CDKAL1: variants seen among roughly 807,000 people sequenced by gnomAD.
CDKAL1 encodes CDKAL1 threonylcarbamoyladenosine tRNA methylthiotransferase, also known as threonylcarbamoyladenosine tRNA methylthiotransferase.
CDKAL1 carries 32 observed loss-of-function variants against 68.2 expected under a neutral mutation model. The observed-to-expected ratio is 0.47, with a 90% CI of 0.35 to 0.63. The LOEUF (loss-of-function observed/expected upper bound fraction) is 0.63, where lower values mean the gene tolerates loss of function less well. CDKAL1 is among the 30% of genes least tolerant of loss of function. The probability of loss-of-function intolerance (pLI) is 0.00; values close to 1 mark genes in which losing one functional copy is unlikely to be tolerated. For synonymous variants in CDKAL1, 234 were observed against 244.3 expected (o/e 0.96, Z 0.39); for missense variants, 606 against 696.7 (o/e 0.87, Z 1.47).
chr6:20,854,948 A>C (rs1474872853), intron 9 of CDKAL1, among the ~76,000 whole-genome samples: 1 of 152,234 alleles, frequency 6.6e-6, no homozygotes, highest in African/African-American at 2.4e-5. Flanking sequence ...TGTGGTTTTT[A>C]AAATCAAGCA....
intron 12 of CDKAL1, among the ~76,000 whole-genome samples, chr6:21,094,186 G>T (rs1372027246): frequency 6.6e-6 from 1 of 152,152 alleles, no homozygotes; most frequent in East Asian, 1.9e-4. Context: ...GTGGGCAGGG[G>T]AGGGAATGCA....
chr6:20,624,904 C>G (rs1258118067), intron 4 of CDKAL1, among the ~76,000 whole-genome samples: 1 of 152,068 alleles, frequency 6.6e-6, no homozygotes, highest in Non-Finnish European at 1.5e-5. Flanking sequence ...AATAATGCAG[C>G]AAAATTCTGT....
chr6:20,893,280 G>GC (rs1175025340), intron 9 of CDKAL1, among the ~76,000 whole-genome samples: 2 of 152,154 alleles, frequency 1.3e-5, no homozygotes, highest in African/African-American at 2.4e-5. Context: ...GCAGGTTACA[G>GC]CCTAGTGCCA....
At chr6:21,145,650 T>C (rs1776128993) in intron 13 of CDKAL1, among the ~76,000 whole-genome samples, 1 of 152,230 alleles carries the variant, frequency 6.6e-6, no homozygotes, top group South Asian at 2.1e-4. Flanking sequence ...CAGATCACTT[T>C]AACCACTTCA....
At chr6:21,228,103 G>A (rs1300068968) in intron 15 of CDKAL1, among the ~76,000 whole-genome samples, 1 of 152,168 alleles carries the variant, frequency 6.6e-6, no homozygotes, top group African/African-American at 2.4e-5. Context: ...TCTGAACTGG[G>A]GATAGGGAAA....
chr6:20,845,518 T>C (rs1778345111), intron 8 of CDKAL1, among the ~76,000 whole-genome samples: 1 of 152,086 alleles, frequency 6.6e-6, no homozygotes, highest in Non-Finnish European at 1.5e-5. Flanking sequence ...AATTATTCAT[T>C]GAACATGCTT....
chr6:20,608,745 G>A (rs1581810941), intron 4 of CDKAL1, among the ~76,000 whole-genome samples: 2 of 152,184 alleles, frequency 1.3e-5, no homozygotes, highest in East Asian at 3.8e-4. Context: ...ACATGATAAT[G>A]CTTGTTCGGC....
At chr6:20,924,406 C>A (rs528020833) in intron 9 of CDKAL1, among the ~76,000 whole-genome samples, 1 of 147,526 alleles carries the variant, frequency 6.8e-6, no homozygotes, top group Admixed American at 6.8e-5. Flanking sequence ...TGTCAAAAGC[C>A]GGCAGGCTGA....
intron 11 of CDKAL1, among the ~76,000 whole-genome samples, chr6:21,045,633 T>C (rs1367155337): frequency 6.6e-6 from 1 of 152,216 alleles, no homozygotes; most frequent in African/African-American, 2.4e-5. Context: ...TTCCCCTGGC[T>C]AAAACAGTAA....
At chr6:20,924,267 G>T (rs1763085888) in intron 9 of CDKAL1, among the ~76,000 whole-genome samples, 1 of 150,966 alleles carries the variant, frequency 6.6e-6, no homozygotes, top group Admixed American at 6.6e-5. Context: ...TAGGGATGCT[G>T]AAGTGGGAGG....
chr6:21,070,642 A>T (rs1476984258), intron 12 of CDKAL1, among the ~76,000 whole-genome samples: 1 of 151,354 alleles, frequency 6.6e-6, no homozygotes, highest in African/African-American at 2.4e-5. Flanking sequence ...CTTTCTTCAG[A>T]TATATATTCT....
At chr6:20,816,580 A>G (rs537599198) in intron 8 of CDKAL1, among the ~76,000 whole-genome samples, 19 of 152,262 alleles carry the variant, frequency 1.2e-4, no homozygotes, top group African/African-American at 3.8e-4. Context: ...CTTTGTTACA[A>G]TGTTCTTGAA....
At chr6:20,824,708 A>G (rs1033254810) in intron 8 of CDKAL1, among the ~76,000 whole-genome samples, 3 of 152,190 alleles carry the variant, frequency 2.0e-5, no homozygotes, top group African/African-American at 7.2e-5. Context: ...CTTTTACCAT[A>G]CTTAACTGGT....
intron 11 of CDKAL1, among the ~76,000 whole-genome samples, chr6:21,030,649 A>G (rs1007150859): frequency 2.6e-5 from 4 of 152,078 alleles, no homozygotes; most frequent in South Asian, 2.1e-4. Flanking sequence ...ATCGTCATCA[A>G]TTTTCCATCA....
At chr6:21,025,131 G>T (rs556652144) in intron 11 of CDKAL1, among the ~76,000 whole-genome samples, 1 of 152,244 alleles carries the variant, frequency 6.6e-6, no homozygotes, top group African/African-American at 2.4e-5. Flanking sequence ...TATTTCTTAC[G>T]AAGTTGATGT....
chr6:20,890,552 G>C (rs1301241211), intron 9 of CDKAL1, among the ~76,000 whole-genome samples: 1 of 152,182 alleles, frequency 6.6e-6, no homozygotes, highest in Non-Finnish European at 1.5e-5. Flanking sequence ...CAATCTGATG[G>C]AAAATAAATG....
At chr6:20,558,880 C>T (rs1256765628) in intron 4 of CDKAL1, 5 of 297,758 alleles carry the variant, frequency 1.7e-5, no homozygotes, top group African/African-American at 8.8e-5. Context: ...CCACCTGCCT[C>T]GGCCTCCCAA....
intron 15 of CDKAL1, among the ~76,000 whole-genome samples, chr6:21,221,320 C>T (rs1466353859): frequency 1.3e-5 from 2 of 152,134 alleles, no homozygotes; most frequent in East Asian, 3.9e-4. Flanking sequence ...CCTCCACCTC[C>T]TGGGCTCAAG....
chr6:20,695,080 C>T (rs571196850), intron 5 of CDKAL1, among the ~76,000 whole-genome samples: 1 of 152,230 alleles, frequency 6.6e-6, no homozygotes, highest in South Asian at 2.1e-4. Flanking sequence ...TATAGTGACA[C>T]AGACTGACTG....
Sources: allele counts gnomAD v4.1 joint callset (sites outside exome capture counted in the v4.1 genomes callset), GRCh38; gene constraint gnomAD v4.1.1; transcripts MANE v1.5; gene names NCBI Gene and HGNC (gene_info 2026-07-23, HGNC 2026-07-21).